SESN1: variants seen among roughly 807,000 people sequenced by gnomAD.
SESN1 encodes the protein sestrin 1, also known as sestrin-1.
SESN1 carries 30 observed loss-of-function variants against 59.3 expected under a neutral mutation model. That is an observed-to-expected ratio of 0.51 (90% confidence interval 0.38 to 0.69). SESN1 has a LOEUF of 0.69. Among genes scored for constraint, SESN1 ranks in the 30% least tolerant of loss-of-function variants. The pLI is 0.00. For missense variants in SESN1, 566 were observed against 673.0 expected, an observed-to-expected ratio of 0.84 and a Z score of 1.76; for synonymous variants, 197 against 219.9, an observed-to-expected ratio of 0.90 and a Z score of 0.92.
At chr6:109,046,810 C>A (rs920814654) in intron 1 of SESN1, among the ~76,000 whole-genome samples, 13 of 138,648 alleles carry the variant, frequency 9.4e-5, no homozygotes, top group Non-Finnish European at 1.9e-4. Context: ...CTCTGCCCGG[C>A]CGCCCTGTCT....
At chr6:109,080,498 C>T (rs1333626316) in intron 1 of SESN1, among the ~76,000 whole-genome samples, 1 of 152,032 alleles carries the variant, frequency 6.6e-6, no homozygotes, top group Non-Finnish European at 1.5e-5. Context: ...CACAGTGAAA[C>T]ATGAAGATTC....
At chr6:109,069,326 A>C (rs766931022) in intron 1 of SESN1, among the ~76,000 whole-genome samples, 32 of 152,146 alleles carry the variant, frequency 2.1e-4, no homozygotes, top group South Asian at 6.2e-4. Context: ...AACAAACAAA[A>C]AAAAACACCA....
intron 1 of SESN1, among the ~76,000 whole-genome samples, chr6:109,089,059 A>AT (rs573316211): frequency 0.015 from 2,161 of 144,336 alleles, 22 homozygotes; most frequent in African/African-American, 0.028. Flanking sequence ...CAATGTGTCC[A>AT]TTTTTTTTTT....
Position 108,994,472 on chromosome 6 carries a change from GACAA to G in SESN1, c.1106_1109del (p.Phe369SerfsTer54). ...AATGGTTGTTCTTACCTGAAGAGAA[GACAA>G]ACATACTCTCTCTTTTTTCTATTTC... On this transcript the variant is annotated frameshift_variant, in exon 6 of 10. Coordinates refer to ENST00000436639, the MANE Select transcript of SESN1 (RefSeq NM_014454.3). LOFTEE classifies it high-confidence loss of function. 2 of 1,611,658 alleles carry G rather than the reference GACAA, an allele frequency of 1.2e-6. No homozygotes were observed. The highest frequency in any genetic ancestry group is 8.5e-7 in the Non-Finnish European group (1 of 1,178,742).
intron 1 of SESN1, among the ~76,000 whole-genome samples, chr6:109,061,635 C>T (rs980496933): frequency 3.9e-5 from 6 of 151,962 alleles, no homozygotes; most frequent in Non-Finnish European, 8.8e-5. Flanking sequence ...GAAACCCTGT[C>T]TCTACTAAAA....
intron 6 of SESN1, chr6:108,993,125 C>T (rs1276101057): frequency 4.6e-6 from 2 of 430,526 alleles, no homozygotes; most frequent in Non-Finnish European, 8.2e-6. Context: ...TTCTCTATGC[C>T]TTTTATTGCC....
At chr6:109,009,219 C>T in intron 1 of SESN1, 1 of 870,668 alleles carries the variant, frequency 1.1e-6, no homozygotes, top group Non-Finnish European at 1.5e-6. Context: ...GGGAGCCCGC[C>T]CTATCTGGGG....
At chr6:109,025,141 G>A (rs1388835652) in intron 1 of SESN1, among the ~76,000 whole-genome samples, 1 of 151,958 alleles carries the variant, frequency 6.6e-6, no homozygotes, top group Non-Finnish European at 1.5e-5. Flanking sequence ...GGGGCTAAAC[G>A]CTCAAAGCAT....
chr6:109,017,428 G>A (rs1406645664), intron 1 of SESN1, among the ~76,000 whole-genome samples: 1 of 152,020 alleles, frequency 6.6e-6, no homozygotes, highest in Non-Finnish European at 1.5e-5. Flanking sequence ...TGGGACTACA[G>A]GCACCCACCA....
At chr6:109,023,056 C>T (rs1416174528) in intron 1 of SESN1, among the ~76,000 whole-genome samples, 1 of 152,144 alleles carries the variant, frequency 6.6e-6, no homozygotes, top group Non-Finnish European at 1.5e-5. Flanking sequence ...CCTCTGTGAC[C>T]ACCCAAATCA....
chr6:109,027,850 G>T (rs1780119725), intron 1 of SESN1, among the ~76,000 whole-genome samples: 1 of 151,876 alleles, frequency 6.6e-6, no homozygotes, highest in Admixed American at 6.6e-5. Context: ...TGTGCTTATT[G>T]GTCATTTAAA....
At chr6:109,011,957 A>G (rs953864116) in intron 1 of SESN1, among the ~76,000 whole-genome samples, 3 of 152,160 alleles carry the variant, frequency 2.0e-5, no homozygotes, top group Admixed American at 6.5e-5. Flanking sequence ...ACCTGCATCT[A>G]TCATTGTGCA....
At chr6:109,046,695 C>A (rs940307152) in intron 1 of SESN1, among the ~76,000 whole-genome samples, 1 of 135,300 alleles carries the variant, frequency 7.4e-6, no homozygotes, top group African/African-American at 2.8e-5. Flanking sequence ...TCTGCCCGGC[C>A]GCCCATCGTC....
chr6:109,030,444 G>T (rs950470544), intron 1 of SESN1, among the ~76,000 whole-genome samples: 7 of 152,124 alleles, frequency 4.6e-5, no homozygotes, highest in African/African-American at 1.7e-4. Flanking sequence ...GACAGTAGAA[G>T]ATTTATCCAA....
intron 1 of SESN1, among the ~76,000 whole-genome samples, chr6:109,038,480 C>CAA (rs1307625463): frequency 7.0e-6 from 1 of 143,744 alleles, no homozygotes; most frequent in Non-Finnish European, 1.5e-5. Context: ...CTGGGTAAGA[C>CAA]AAAGCCAAGA....
At chr6:109,035,436 G>A (rs1314411715) in intron 1 of SESN1, among the ~76,000 whole-genome samples, 1 of 152,022 alleles carries the variant, frequency 6.6e-6, no homozygotes, top group Admixed American at 6.5e-5. Flanking sequence ...AAAAGGTCGG[G>A]AGAAAGCTGA....
At chr6:109,025,733 A>G (rs913841534) in intron 1 of SESN1, among the ~76,000 whole-genome samples, 1 of 152,124 alleles carries the variant, frequency 6.6e-6, no homozygotes, top group Non-Finnish European at 1.5e-5. Flanking sequence ...GCTGAAAATT[A>G]TTAGTAAACT....
intron 7 of SESN1, 85 bp from the exon 8 acceptor site, chr6:108,990,920 T>G (rs548579411): frequency 5.8e-6 from 7 of 1,208,582 alleles, no homozygotes; most frequent in Non-Finnish European, 8.0e-6. Context: ...GTAAAAATCA[T>G]TGTCATTTGG....
intron 1 of SESN1, 64 bp from the exon 2 acceptor site, chr6:109,002,407 G>T: frequency 7.6e-7 from 1 of 1,314,256 alleles, no homozygotes; most frequent in South Asian, 1.2e-5. Flanking sequence ...GAGGCTAAAG[G>T]AATGGGAGGG....
Sources: gnomAD v4.1 joint callset for allele counts (sites outside exome capture counted in the v4.1 genomes callset) on GRCh38, gnomAD v4.1.1 for gene constraint, MANE v1.5 for transcripts, NCBI Gene and HGNC (gene_info 2026-07-23, HGNC 2026-07-21) for gene names.